Variants in ANKH observed in about 807,000 individuals in gnomAD.
ANKH encodes the protein ANKH inorganic pyrophosphate transport regulator.
ANKH carries 15 observed loss-of-function variants against 49.0 expected under a neutral mutation model. The ratio of observed to expected loss-of-function variants is 0.31; its 90% CI spans 0.20 to 0.47. ANKH has a LOEUF of 0.47. Ranked by LOEUF, ANKH falls within the 20% of genes least tolerant of loss-of-function variation. The pLI, the probability that ANKH is intolerant of heterozygous loss-of-function variation, is 1.00. For synonymous variants in ANKH, 273 were observed against 260.0 expected (o/e 1.05, Z -0.48); for missense variants, 429 against 652.0 (o/e 0.66, Z 3.72).
chr5:14,751,718 C>G (rs1484810490), intron 4 of ANKH, among the ~76,000 whole-genome samples: 2 of 151,740 alleles, frequency 1.3e-5, no homozygotes, highest in African/African-American at 4.8e-5. Flanking sequence ...AAAAAACAAA[C>G]AAAAAAACAC....
At chr5:14,734,947 T>C (rs1375923172) in intron 8 of ANKH, among the ~76,000 whole-genome samples, 2 of 152,238 alleles carry the variant, frequency 1.3e-5, no homozygotes, top group African/African-American at 4.8e-5. Context: ...TATTGTTTCC[T>C]GAAAATTGGA....
intron 1 of ANKH, among the ~76,000 whole-genome samples, chr5:14,809,335 T>TAACAAAA (rs1740804020): frequency 1.2e-5 from 1 of 80,858 alleles, no homozygotes. Context: ...TAGAGTATAA[T>TAACAAAA]AAAAAAAAAA....
At chr5:14,822,784 C>T (rs901812840) in intron 1 of ANKH, among the ~76,000 whole-genome samples, 6 of 152,198 alleles carry the variant, frequency 3.9e-5, no homozygotes, top group Admixed American at 3.3e-4. Flanking sequence ...TGGTGGCTCA[C>T]GCCTGTAATC....
chr5:14,781,819 T>C (rs1279640043), intron 1 of ANKH, among the ~76,000 whole-genome samples: 2 of 152,174 alleles, frequency 1.3e-5, no homozygotes, highest in Non-Finnish European at 2.9e-5. Flanking sequence ...CTTTACTACA[T>C]TTCCTAATTT....
intron 1 of ANKH, among the ~76,000 whole-genome samples, chr5:14,788,769 C>T (rs934817037): frequency 5.9e-5 from 9 of 152,064 alleles, no homozygotes; most frequent in Non-Finnish European, 1.3e-4. Context: ...GGGATAGCTA[C>T]ACAAGTCACA....
chr5:14,752,265 G>A (rs769484697), intron 4 of ANKH, among the ~76,000 whole-genome samples: 6 of 152,032 alleles, frequency 3.9e-5, no homozygotes, highest in Non-Finnish European at 7.4e-5. Context: ...AGTTTTGATC[G>A]TGCCACTGCA....
At chr5:14,727,894 T>C (rs1380818673) in intron 8 of ANKH, among the ~76,000 whole-genome samples, 3 of 152,166 alleles carry the variant, frequency 2.0e-5, no homozygotes, top group Admixed American at 2.0e-4. Flanking sequence ...TTAAAAACAT[T>C]TGGAACCTGC....
chr5:14,762,991 C>T (rs544452952), intron 2 of ANKH, among the ~76,000 whole-genome samples: 2 of 152,196 alleles, frequency 1.3e-5, no homozygotes, highest in Non-Finnish European at 2.9e-5. Flanking sequence ...AGGTGGACAG[C>T]TTTGACCCTC....
intron 1 of ANKH, among the ~76,000 whole-genome samples, chr5:14,796,397 C>T (rs1740386406): frequency 6.7e-6 from 1 of 150,112 alleles, no homozygotes; most frequent in Admixed American, 6.6e-5. Flanking sequence ...GACAATCTAC[C>T]TGTGGTATAC....
At chr5:14,726,207 C>G (rs577276401) in intron 8 of ANKH, among the ~76,000 whole-genome samples, 1 of 152,172 alleles carries the variant, frequency 6.6e-6, no homozygotes, top group Admixed American at 6.5e-5. Flanking sequence ...TTAGATAACA[C>G]TATGCTGTCT....
Position 14,721,736 on chromosome 5 carries a change from C to T in ANKH, c.1012-4901G>A, listed in dbSNP as rs532039367. On this transcript the variant is annotated intron_variant, in intron 8 of 11. Coordinates refer to ENST00000284268, the MANE Select transcript of ANKH (RefSeq NM_054027.6). ...ACAAGGTCAGGAGATCGAGACCATC[C>T]TGGCTAACACGGTGAAACCCCATCT... is the stretch of plus-strand genomic sequence containing the variant. Among the ~76,000 whole-genome samples, 6 of 152,062 alleles carry T rather than the reference C, an allele frequency of 3.9e-5. No individual in the cohort carries two copies. The South Asian group carries it at 8.3e-4, about 21-fold the overall frequency.
chr5:14,840,061 G>A (rs1262550726), intron 1 of ANKH, among the ~76,000 whole-genome samples: 3 of 152,150 alleles, frequency 2.0e-5, no homozygotes, highest in African/African-American at 7.2e-5. Context: ...GAATATACAA[G>A]AAGTTCTTAA....
chr5:14,788,461 T>C (rs1740049085), intron 1 of ANKH, among the ~76,000 whole-genome samples: 1 of 152,234 alleles, frequency 6.6e-6, no homozygotes. Flanking sequence ...TAACTTTTTA[T>C]GGCCATCACA....
At chr5:14,811,327 C>T (rs1740878331) in intron 1 of ANKH, among the ~76,000 whole-genome samples, 1 of 152,196 alleles carries the variant, frequency 6.6e-6, no homozygotes, top group African/African-American at 2.4e-5. Context: ...CCTGTGCGGT[C>T]TTAATAGGCA....
Position 14,792,954 on chromosome 5 carries a change from G to A in ANKH, c.97-23763C>T, listed in dbSNP as rs1017796044. On this transcript the variant is annotated intron_variant, in intron 1 of 11. Coordinates refer to ENST00000284268, the MANE Select transcript of ANKH (RefSeq NM_054027.6). Reference sequence around the variant, plus strand: ...ATTATGCCACCACACTCCAGCCTGGGCAACAAGAGAGAAACTCCATCATAT... The same window carrying A: ...ATTATGCCACCACACTCCAGCCTGGACAACAAGAGAGAAACTCCATCATAT... Among the ~76,000 whole-genome samples the A allele has an allele frequency of 4.2e-5, 5 of 120,098 alleles. No homozygotes were observed. The South Asian group carries it at 1.4e-3, about 33-fold the overall frequency. The allele number at this position is 120,098 out of a possible 152,430, so 78.8% of individuals were successfully genotyped here.
intron 1 of ANKH, among the ~76,000 whole-genome samples, chr5:14,771,855 G>A (rs1409532619): frequency 1.1e-4 from 16 of 143,464 alleles, no homozygotes; most frequent in Admixed American, 9.3e-4. Flanking sequence ...TGGAGGTTGC[G>A]ATGAGCTGAG....
intron 1 of ANKH, among the ~76,000 whole-genome samples, chr5:14,807,601 CCTGT>C (rs1330884015): frequency 6.6e-6 from 1 of 152,166 alleles, no homozygotes; most frequent in Non-Finnish European, 1.5e-5. Context: ...ACTACTGACA[CCTGT>C]CTTAGATTAT....
chr5:14,810,404 C>T (rs551416402), intron 1 of ANKH, among the ~76,000 whole-genome samples: 1 of 152,148 alleles, frequency 6.6e-6, no homozygotes. Flanking sequence ...GGTGATCCGC[C>T]TGCCTCAGCC....
chr5:14,708,356 C>G lies in ANKH; in HGVS notation c.*2841G>C, dbSNP rs1737021189. On this transcript the variant is annotated 3_prime_UTR_variant, in exon 12 of 12. Coordinates refer to ENST00000284268, the MANE Select transcript of ANKH (RefSeq NM_054027.6). Reference sequence around the variant, plus strand: ...AATCACTCAGTTTTGGAGAAAGTCACACCTGGTCTTTCCCTGGTCTTTGAC... The same window carrying G: ...AATCACTCAGTTTTGGAGAAAGTCAGACCTGGTCTTTCCCTGGTCTTTGAC... 1 of 152,240 alleles carries G rather than the reference C, an allele frequency of 6.6e-6. No individual in the cohort carries two copies. The highest frequency in any genetic ancestry group is 2.4e-5 in the African/African-American group (1 of 41,460). 9.4% of individuals were successfully genotyped at this position (152,240 alleles called of 1,614,324 possible).
Sources: allele counts gnomAD v4.1 joint callset (sites outside exome capture counted in the v4.1 genomes callset), GRCh38; gene constraint gnomAD v4.1.1; transcripts MANE v1.5; gene names NCBI Gene and HGNC (gene_info 2026-07-23, HGNC 2026-07-21).